The following CFAP47 variants were observed in gnomAD, a reference collection of about 807,000 sequenced individuals.
CFAP47 encodes the protein cilia- and flagella-associated protein 47.
Under a neutral mutation model 148.1 loss-of-function variants are expected in CFAP47, and 29 were observed. That is an observed-to-expected ratio of 0.20 (90% CI 0.15 to 0.27). The LOEUF (loss-of-function observed/expected upper bound fraction) is 0.27. Among genes scored for constraint, CFAP47 ranks in the 10% least tolerant of loss-of-function variants. The pLI is 1.00. For missense variants in CFAP47, 1,872 were observed against 1,697.5 expected, an observed-to-expected ratio of 1.10 and a Z score of -1.81; for synonymous variants, 664 against 577.3, an observed-to-expected ratio of 1.15 and a Z score of -2.15.
intron 9 of CFAP47, among the ~76,000 whole-genome samples, chrX:35,966,957 G>A (rs1400151803): frequency 9.1e-6 from 1 of 110,226 alleles, no homozygotes; most frequent in Non-Finnish European, 1.9e-5. Context: ...TGACCCAGGA[G>A]TTCTCATCTT....
At chrX:35,976,737 T>C (rs1936576618) in intron 15 of CFAP47, among the ~76,000 whole-genome samples, 1 of 112,041 alleles carries the variant, frequency 8.9e-6, no homozygotes, top group African/African-American at 3.2e-5. Flanking sequence ...TTTAGAAAGA[T>C]CTAGAAATTA....
chrX:36,113,863 G>T (rs1418126195), intron 33 of CFAP47, among the ~76,000 whole-genome samples: 3 of 104,280 alleles, frequency 2.9e-5, no homozygotes, highest in Non-Finnish European at 5.9e-5. Context: ...AGGCTGGAAT[G>T]CAGTGGCACG....
At chrX:36,239,159 G>T (rs1462960191) in intron 48 of CFAP47, among the ~76,000 whole-genome samples, 1 of 112,079 alleles carries the variant, frequency 8.9e-6, no homozygotes, top group African/African-American at 3.2e-5. Context: ...CAAAGTAGTA[G>T]AAAATAATTA....
intron 26 of CFAP47, among the ~76,000 whole-genome samples, chrX:36,052,220 T>G (rs1340258910): frequency 1.8e-5 from 2 of 112,091 alleles, no homozygotes; most frequent in Admixed American, 1.9e-4. Flanking sequence ...GTACCTGATT[T>G]AGTTGTCCAC....
intron 49 of CFAP47, among the ~76,000 whole-genome samples, chrX:36,271,134 G>A (rs1602082806): frequency 9.0e-6 from 1 of 111,581 alleles, no homozygotes; most frequent in Non-Finnish European, 1.9e-5. Flanking sequence ...AGATTTTTTA[G>A]GCCATTATAG....
intron 45 of CFAP47, among the ~76,000 whole-genome samples, chrX:36,209,709 T>A (rs1261137239): frequency 8.9e-6 from 1 of 111,864 alleles, no homozygotes; most frequent in Non-Finnish European, 1.9e-5. Context: ...TCTAATCCTC[T>A]ATTTATGTAT....
intron 33 of CFAP47, among the ~76,000 whole-genome samples, chrX:36,126,226 C>T (rs912794736): frequency 2.7e-5 from 3 of 109,874 alleles, no homozygotes; most frequent in African/African-American, 9.9e-5. Flanking sequence ...GGTATTTCTC[C>T]TATATGTTAT....
rs151306948 is a variant in CFAP47, at chrX:35,971,671, A to G, written c.2056A>G (p.Ile686Val). ...GTCACCCTCACTCTCAGAAGCGGAA[A>G]TAGAAGAGGAGCTGTCTTCAGCAGC... ...LKSPSLSEAE[I>V]EEELSSAANS... The change falls in exon 12 of 64, where the codon ATA (isoleucine) becomes GTA (valine). Residue 686 changes from isoleucine (I) to valine (V), a missense_variant. Coordinates refer to ENST00000378653, the MANE Select transcript of CFAP47 (RefSeq NM_001304548.2). The G allele has an allele frequency of 6.2e-4, 747 of 1,207,108 alleles. 5 individuals carry two copies. The African/African-American group carries it at 0.012, about 20-fold the overall frequency.
At chrX:35,926,955 G>A (rs1394959863) in intron 2 of CFAP47, among the ~76,000 whole-genome samples, 2 of 108,922 alleles carry the variant, frequency 1.8e-5, no homozygotes, top group Middle Eastern at 9.4e-3. Flanking sequence ...GACCAGCCTG[G>A]GCAACATGGT....
intron 62 of CFAP47, among the ~76,000 whole-genome samples, chrX:36,368,318 T>C: frequency 9.0e-6 from 1 of 111,423 alleles, no homozygotes; most frequent in Admixed American, 9.6e-5. Context: ...GCAAAAATGG[T>C]AAGAGTGAAT....
intron 33 of CFAP47, among the ~76,000 whole-genome samples, chrX:36,107,443 C>T (rs1031299214): frequency 8.9e-6 from 1 of 112,165 alleles, no homozygotes; most frequent in Non-Finnish European, 1.9e-5. Flanking sequence ...TATGTGAGCA[C>T]GTTGAAGGTG....
chrX:36,272,427 A>G (rs1234031280), intron 49 of CFAP47, among the ~76,000 whole-genome samples: 4 of 111,421 alleles, frequency 3.6e-5, no homozygotes, highest in African/African-American at 1.3e-4. Flanking sequence ...CCAGAGCTTC[A>G]GCAAAAAAAA....
intron 17 of CFAP47, among the ~76,000 whole-genome samples, chrX:35,992,476 G>A (rs923461765): frequency 9.0e-6 from 1 of 110,665 alleles, no homozygotes; most frequent in Non-Finnish European, 1.9e-5. Context: ...TTCCATTCAA[G>A]CTTTACATTA....
chrX:36,103,109 A>G, intron 32 of CFAP47, among the ~76,000 whole-genome samples: 1 of 111,334 alleles, frequency 9.0e-6, no homozygotes, highest in East Asian at 2.9e-4. Flanking sequence ...TACTATTCAC[A>G]TGTACTTGAC....
At chrX:36,031,586 A>T (rs1228414213) in intron 23 of CFAP47, among the ~76,000 whole-genome samples, 1 of 110,164 alleles carries the variant, frequency 9.1e-6, no homozygotes, top group Non-Finnish European at 1.9e-5. Context: ...ATAAATACAT[A>T]TACGCATATA....
At chrX:36,304,376 T>G (rs1334680564) in intron 54 of CFAP47, among the ~76,000 whole-genome samples, 1 of 100,848 alleles carries the variant, frequency 9.9e-6, no homozygotes, top group Admixed American at 1.1e-4. Context: ...AACGAGACTC[T>G]GTCTCCAAAA....
At position 36,248,947 on chromosome X, in the gene CFAP47, G is replaced by C. The variant is rs150487139; in HGVS notation, c.7333-2386G>C. 5.8e-3 allele frequency among the ~76,000 whole-genome samples: 643 copies of C among 110,321 alleles called. 7 individuals are homozygous for C. Among genetic ancestry groups the C allele is most frequent in the African/African-American group, 0.019 (591 of 30,555 alleles). On this transcript the variant is annotated intron_variant, in intron 48 of 63. Coordinates refer to ENST00000378653, the MANE Select transcript of CFAP47 (RefSeq NM_001304548.2). ...ACTCCTAAATAACCAATAAGTCAAA[G>C]AAGAAATCACAAGGGAAATTAGAAA...
At chrX:36,208,945 G>A (rs1319229826) in intron 45 of CFAP47, among the ~76,000 whole-genome samples, 4 of 111,070 alleles carry the variant, frequency 3.6e-5, no homozygotes, top group South Asian at 3.7e-4. Flanking sequence ...CAGCCTGGGC[G>A]ACAAGAGAGA....
intron 33 of CFAP47, among the ~76,000 whole-genome samples, chrX:36,126,924 G>T (rs1037595568): frequency 1.5e-4 from 17 of 112,060 alleles, no homozygotes; most frequent in African/African-American, 4.5e-4. Flanking sequence ...CATATCCTTT[G>T]CCCACTTTCT....
Sources: gnomAD v4.1 joint callset for allele counts (sites outside exome capture counted in the v4.1 genomes callset) on GRCh38, gnomAD v4.1.1 for gene constraint, MANE v1.5 for transcripts, NCBI Gene and HGNC (gene_info 2026-07-23, HGNC 2026-07-21) for gene names.